The following POU2AF2 variants were observed in gnomAD, a reference collection of about 807,000 sequenced individuals.
The protein encoded by POU2AF2 is POU class 2 homeobox associating factor 2.
the POU2AF2 span, among the ~76,000 whole-genome samples, chr11:111,273,310 C>T: frequency 3.9e-3 from 601 of 152,256 alleles, 4 homozygotes; most frequent in African/African-American, 0.013. Context: ...ATTAACCTTC[C>T]TTTAATTCCA....
chr11:111,269,077 G>A, the POU2AF2 span, among the ~76,000 whole-genome samples: 2 of 152,008 alleles, frequency 1.3e-5, no homozygotes, highest in African/African-American at 4.8e-5. Flanking sequence ...TATTGATAAA[G>A]GGAATCAGTA....
At chr11:111,270,163 A>C in the POU2AF2 span, among the ~76,000 whole-genome samples, 1 of 152,232 alleles carries the variant, frequency 6.6e-6, no homozygotes, top group East Asian at 1.9e-4. Flanking sequence ...AGTTTCATGT[A>C]AATTCTCCCA....
chr11:111,278,545 T>G, the POU2AF2 span, among the ~76,000 whole-genome samples: 2 of 134,832 alleles, frequency 1.5e-5, no homozygotes, highest in South Asian at 4.6e-4. Context: ...AGAGAGATGA[T>G]CTCTCTCTCT....
At chr11:111,285,876 C>A in the POU2AF2 span, 2 of 1,611,042 alleles carry the variant, frequency 1.2e-6, no homozygotes, top group African/African-American at 2.7e-5. Context: ...GGGTACCCTA[C>A]CCCGCCTCCT....
the POU2AF2 span, among the ~76,000 whole-genome samples, chr11:111,276,453 A>AAAAAAATAT: frequency 2.6e-3 from 96 of 37,592 alleles, no homozygotes; most frequent in East Asian, 4.9e-3. Flanking sequence ...AAAAAAAAAA[A>AAAAAAATAT]ATATATATAT....
At chr11:111,276,453 A>AAAAAAAAAAAAAAAAAATATATATAT in the POU2AF2 span, among the ~76,000 whole-genome samples, 1 of 37,692 alleles carries the variant, frequency 2.7e-5, no homozygotes, top group African/African-American at 9.6e-5. Flanking sequence ...AAAAAAAAAA[A>AAAAAAAAAAAAAAAAAATATATATAT]ATATATATAT....
At chr11:111,275,363 G>A in the POU2AF2 span, among the ~76,000 whole-genome samples, 24 of 152,260 alleles carry the variant, frequency 1.6e-4, no homozygotes, top group East Asian at 2.7e-3. Context: ...TGAGCAGAAA[G>A]CAAAGCACCA....
chr11:111,259,740 G>C, the POU2AF2 span, among the ~76,000 whole-genome samples: 1 of 152,176 alleles, frequency 6.6e-6, no homozygotes, highest in Non-Finnish European at 1.5e-5. Flanking sequence ...AACAAAAAAA[G>C]TACGCACCGG....
chr11:111,271,329 A>C, the POU2AF2 span, among the ~76,000 whole-genome samples: 1 of 152,156 alleles, frequency 6.6e-6, no homozygotes, highest in African/African-American at 2.4e-5. Flanking sequence ...ATCTCAAAAA[A>C]AAAAAGAAAG....
the POU2AF2 span, among the ~76,000 whole-genome samples, chr11:111,260,165 C>T: frequency 3.9e-5 from 6 of 152,166 alleles, no homozygotes; most frequent in African/African-American, 1.2e-4. Flanking sequence ...ACTGAGACCA[C>T]CTCCCCTTTT....
At chr11:111,257,675 T>C in the POU2AF2 span, among the ~76,000 whole-genome samples, 2 of 152,068 alleles carry the variant, frequency 1.3e-5, no homozygotes, top group Non-Finnish European at 2.9e-5. Context: ...CGCCCAGCCG[T>C]TATCCTTTCT....
At chr11:111,259,344 C>G in the POU2AF2 span, among the ~76,000 whole-genome samples, 2 of 135,224 alleles carry the variant, frequency 1.5e-5, no homozygotes, top group African/African-American at 5.6e-5. Flanking sequence ...GAGACAGAAT[C>G]TGGTTCTGTC....
the POU2AF2 span, chr11:111,286,063 C>A: frequency 1.2e-6 from 2 of 1,601,352 alleles, no homozygotes; most frequent in Admixed American, 1.8e-5. Flanking sequence ...GAGGGGAGGG[C>A]CAAATGACTT....
chr11:111,285,609 T>C, the POU2AF2 span: 2 of 1,577,632 alleles, frequency 1.3e-6, no homozygotes, highest in Non-Finnish European at 1.7e-6. Context: ...ATCATCAGAG[T>C]GTCACCTAGT....
At chr11:111,265,873 A>AT in the POU2AF2 span, among the ~76,000 whole-genome samples, 19 of 73,362 alleles carry the variant, frequency 2.6e-4, no homozygotes, top group South Asian at 6.1e-4. Flanking sequence ...CTAGGAATAA[A>AT]TTAAAAAAAA....
chr11:111,282,938 T>C, the POU2AF2 span, among the ~76,000 whole-genome samples: 3 of 152,036 alleles, frequency 2.0e-5, no homozygotes, highest in Non-Finnish European at 2.9e-5. Context: ...AGCTACGGGG[T>C]CAGAAAGTGT....
chr11:111,252,718 T>A, the POU2AF2 span, among the ~76,000 whole-genome samples: 19 of 151,978 alleles, frequency 1.3e-4, no homozygotes, highest in African/African-American at 4.4e-4. Context: ...CCATTAGTCT[T>A]CCCTCTGTCC....
chr11:111,261,855 G>C, the POU2AF2 span, among the ~76,000 whole-genome samples: 3 of 152,208 alleles, frequency 2.0e-5, no homozygotes, highest in South Asian at 4.2e-4. Context: ...AAGATTTCTG[G>C]CTCTGTTTTT....
the POU2AF2 span, among the ~76,000 whole-genome samples, chr11:111,255,704 A>G: frequency 6.6e-6 from 1 of 152,226 alleles, no homozygotes; most frequent in African/African-American, 2.4e-5. Flanking sequence ...GCCAGAGTAA[A>G]TCTTGACAAG....
Sources: gnomAD v4.1 joint callset for allele counts (sites outside exome capture counted in the v4.1 genomes callset) on GRCh38, gnomAD v4.1.1 for gene constraint, MANE v1.5 for transcripts, NCBI Gene and HGNC (gene_info 2026-07-23, HGNC 2026-07-21) for gene names.